Variants in ZFYVE9 observed in about 807,000 individuals in gnomAD.
ZFYVE9 encodes the protein zinc finger FYVE domain-containing protein 9.
ZFYVE9 carries 43 observed loss-of-function variants against 126.7 expected under a neutral mutation model. The observed-to-expected ratio is 0.34, with a 90% CI of 0.27 to 0.44. The LOEUF is 0.44. Among genes scored for constraint, ZFYVE9 ranks in the 20% least tolerant of loss-of-function variants. The pLI, the probability that ZFYVE9 is intolerant of heterozygous loss-of-function variation, is 1.00. For missense variants in ZFYVE9, 1,476 were observed against 1,697.0 expected (o/e 0.87, Z 2.29); for synonymous variants, 521 against 597.4 (o/e 0.87, Z 1.87).
Position 52,182,031 on chromosome 1 carries a change from C to T in ZFYVE9, c.-142-34338C>T, listed in dbSNP as rs998350855. Among the ~76,000 whole-genome samples, 35 of 151,516 alleles carry T rather than the reference C, an allele frequency of 2.3e-4. No homozygotes were observed. The East Asian group carries it at 4.5e-3, about 19-fold the overall frequency. On this transcript the variant is annotated intron_variant, in intron 1 of 18. Coordinates refer to ENST00000287727, the MANE Select transcript of ZFYVE9 (RefSeq NM_004799.4). ...CAGCCCACCGCCCGGCCAGCCGCCC[C>T]GTCCGGGAGGGAGGCGAGGGGGTCA... is the stretch of plus-strand genomic sequence containing the variant.
intron 13 of ZFYVE9, among the ~76,000 whole-genome samples, chr1:52,317,508 A>C (rs1646197405): frequency 6.6e-6 from 1 of 151,846 alleles, no homozygotes; most frequent in South Asian, 2.1e-4. Flanking sequence ...GAAAGAAAAA[A>C]AGACATCTCA....
At chr1:52,195,866 C>T (rs932537880) in intron 1 of ZFYVE9, among the ~76,000 whole-genome samples, 3 of 151,876 alleles carry the variant, frequency 2.0e-5, no homozygotes, top group African/African-American at 7.3e-5. Context: ...GATCTCAGCA[C>T]ACTGCAGCCT....
At chr1:52,329,859 C>A (rs185723346) in intron 13 of ZFYVE9, among the ~76,000 whole-genome samples, 1 of 151,496 alleles carries the variant, frequency 6.6e-6, no homozygotes, top group Non-Finnish European at 1.5e-5. Context: ...GAGCCTAGAT[C>A]GCGCCACTGC....
At chr1:52,252,759 C>T in intron 4 of ZFYVE9, 1 of 465,124 alleles carries the variant, frequency 2.1e-6, no homozygotes, top group Admixed American at 2.4e-5. Flanking sequence ...CGACTGCTAC[C>T]ACTGTACTGG....
rs528962609 is a variant in ZFYVE9 at position 52,321,367 on chromosome 1, C to T, written c.3439-11401C>T. On this transcript the variant is annotated intron_variant, in intron 13 of 18. Transcript: ENST00000287727. ...GGAATTAGGAGCTGATAGTCCTCTT[C>T]TTAAAGGAATGAAAGGAGTTGGTCA... Among the ~76,000 whole-genome samples, 4 of 152,254 alleles carry T rather than the reference C, an allele frequency of 2.6e-5. No homozygotes were observed. In the South Asian group the frequency reaches 8.3e-4, roughly 32 times the overall value.
intron 2 of ZFYVE9, among the ~76,000 whole-genome samples, chr1:52,221,173 G>A (rs566409201): frequency 6.6e-6 from 1 of 152,194 alleles, no homozygotes; most frequent in Non-Finnish European, 1.5e-5. Context: ...AGTTTGGGCA[G>A]ACCAGTTATT....
chr1:52,242,462 C>T (rs1482614453), intron 4 of ZFYVE9, among the ~76,000 whole-genome samples: 2 of 151,944 alleles, frequency 1.3e-5, no homozygotes, highest in Non-Finnish European at 2.9e-5. Context: ...ATCCTCAGCC[C>T]TAGAACATAC....
At chr1:52,146,032 C>CACACAT (rs1644304070) in intron 1 of ZFYVE9, among the ~76,000 whole-genome samples, 1 of 150,616 alleles carries the variant, frequency 6.6e-6, no homozygotes, top group African/African-American at 2.5e-5. Context: ...AATATCCACA[C>CACACAT]ACACACACAC....
At chr1:52,163,161 C>G (rs771810702) in intron 1 of ZFYVE9, 14 of 208,222 alleles carry the variant, frequency 6.7e-5, no homozygotes, top group Non-Finnish European at 1.0e-4. Flanking sequence ...GACCAATCTT[C>G]TGTTCAGTTT....
At chr1:52,206,614 C>T (rs543774722) in intron 1 of ZFYVE9, among the ~76,000 whole-genome samples, 4 of 152,102 alleles carry the variant, frequency 2.6e-5, no homozygotes, top group East Asian at 1.9e-4. Flanking sequence ...GGCATGATCT[C>T]GGCTCGGCTC....
In ZFYVE9 at chr1:52,193,081, G is replaced by C. The variant is rs901824013; in HGVS notation, c.-142-23288G>C. ...TTATTGAACCCCCATTTGAACTCAG[G>C]CAGTCAGTGTCTAGAGCCTGCACTC... On this transcript the variant is annotated intron_variant, in intron 1 of 18. Coordinates refer to ENST00000287727, the MANE Select transcript of ZFYVE9 (RefSeq NM_004799.4). Among the ~76,000 whole-genome samples the C allele has an allele frequency of 7.9e-5, 12 of 152,186 alleles. No homozygotes were observed. In the East Asian group the frequency reaches 2.3e-3, roughly 29 times the overall value.
chr1:52,259,712 G>A (rs935797770), intron 4 of ZFYVE9, among the ~76,000 whole-genome samples: 24 of 151,682 alleles, frequency 1.6e-4, no homozygotes, highest in Admixed American at 1.4e-3. Context: ...CACCAGAATC[G>A]CTTGAACCTG....
chr1:52,204,652 A>G (rs1644956352), intron 1 of ZFYVE9, among the ~76,000 whole-genome samples: 1 of 152,138 alleles, frequency 6.6e-6, no homozygotes. Context: ...ACTTGAACCC[A>G]GGAGGTGAAG....
chr1:52,263,099 AAAAG>A (rs1311172931), intron 4 of ZFYVE9, among the ~76,000 whole-genome samples: 1 of 148,752 alleles, frequency 6.7e-6, no homozygotes, highest in African/African-American at 2.5e-5. Flanking sequence ...AAAAAAAAAG[AAAAG>A]AAATCTTAAC....
intron 2 of ZFYVE9, among the ~76,000 whole-genome samples, chr1:52,217,086 A>G (rs1645078390): frequency 6.6e-6 from 1 of 152,232 alleles, no homozygotes; most frequent in South Asian, 2.1e-4. Flanking sequence ...TTTCTCAGCA[A>G]GGCACTTTTA....
Position 52,263,775 on chromosome 1 carries a change from T to C in ZFYVE9, c.2181T>C (p.Val727=). The change falls in exon 5 of 19, where the codon GTT becomes GTC. Residue 727 remains valine (V), a splice_region_variant and synonymous_variant. Coordinates refer to ENST00000287727, the MANE Select transcript of ZFYVE9 (RefSeq NM_004799.4). The stretch of plus-strand genomic sequence containing the variant: ...TCTTCCCCCCCCCCCCCCCACAGGT[T>C]TTCTGTGCTTCCTGCTGTAGCCTGA... ...RRHHCRACGK[V]FCASCCSLKC... 1 of 708,554 alleles carries C rather than the reference T, an allele frequency of 1.4e-6. No individual in the cohort carries two copies. Among genetic ancestry groups the C allele is most frequent in the Non-Finnish European group, 2.1e-6 (1 of 484,010 alleles). The allele number at this position is 708,554 out of a possible 1,614,324, so 43.9% of individuals were successfully genotyped here.
At chr1:52,189,082 C>T (rs536448436) in intron 1 of ZFYVE9, among the ~76,000 whole-genome samples, 160 of 151,610 alleles carry the variant, frequency 1.1e-3, no homozygotes, top group African/African-American at 3.8e-3. Flanking sequence ...GGATTACAGG[C>T]ACCTACCACC....
intron 17 of ZFYVE9, among the ~76,000 whole-genome samples, 182 bp from the exon 18 acceptor site, chr1:52,344,586 G>T (rs1168177079): frequency 4.7e-5 from 7 of 147,684 alleles, no homozygotes; most frequent in African/African-American, 1.5e-4. Flanking sequence ...GACAGGGATT[G>T]TTTTTTTTTT....
At chr1:52,262,227 A>G (rs973140555) in intron 4 of ZFYVE9, among the ~76,000 whole-genome samples, 2 of 152,190 alleles carry the variant, frequency 1.3e-5, no homozygotes, top group African/African-American at 4.8e-5. Flanking sequence ...GGCTTCTTTT[A>G]TAGGGCACTA....
Sources: allele counts gnomAD v4.1 joint callset (sites outside exome capture counted in the v4.1 genomes callset), GRCh38; gene constraint gnomAD v4.1.1; transcripts MANE v1.5; gene names NCBI Gene and HGNC (gene_info 2026-07-23, HGNC 2026-07-21).